RTN4R: variants seen among roughly 807,000 people sequenced by gnomAD.
RTN4R encodes the protein reticulon 4 receptor.
A neutral mutation model predicts 27.7 loss-of-function variants in RTN4R; 4 were observed. That is an observed-to-expected ratio of 0.14 (90% confidence interval 0.07 to 0.33). RTN4R has a LOEUF of 0.33. Among genes scored for constraint, RTN4R ranks in the 10% least tolerant of loss-of-function variants. The pLI is 1.00. For synonymous variants in RTN4R, 290 were observed against 305.6 expected (o/e 0.95, Z 0.53); for missense variants, 554 against 671.5 (o/e 0.83, Z 1.93).
intron 1 of RTN4R, among the ~76,000 whole-genome samples, chr22:20,264,015 G>A (rs2051262576): frequency 9.8e-5 from 1 of 10,188 alleles, no homozygotes; most frequent in Non-Finnish European, 2.9e-4. Flanking sequence ...GCCCACGGTT[G>A]TCAAAGCCTC....
At chr22:20,267,731 G>C in intron 1 of RTN4R, 1 of 419,460 alleles carries the variant, frequency 2.4e-6, no homozygotes, top group Middle Eastern at 3.5e-4. Flanking sequence ...CTTGGTGGCC[G>C]GGGCGCTCCG....
intron 1 of RTN4R, among the ~76,000 whole-genome samples, chr22:20,248,203 A>G (rs900388151): frequency 6.6e-6 from 1 of 152,252 alleles, no homozygotes; most frequent in Non-Finnish European, 1.5e-5. Flanking sequence ...AAACATGCCT[A>G]AAAGTACACA....
At chr22:20,245,493 G>C (rs968800868) in intron 1 of RTN4R, among the ~76,000 whole-genome samples, 1 of 152,090 alleles carries the variant, frequency 6.6e-6, no homozygotes, top group Non-Finnish European at 1.5e-5. Context: ...GCAGCCAGGT[G>C]GGGGGAGGGT....
chr22:20,249,229 G>A lies in RTN4R; in HGVS notation c.23-6119C>T, dbSNP rs777447795. On this transcript the variant is annotated intron_variant, in intron 1 of 1. Transcript: ENST00000043402. ...AGAGGACACTAATGAGCAAGTGACCGGTGGCCGGCCTGCTCCCACCCTGGG... is the reference window on the plus strand; with the variant it reads ...AGAGGACACTAATGAGCAAGTGACCAGTGGCCGGCCTGCTCCCACCCTGGG... The A allele has an allele frequency of 4.9e-5, 26 of 532,806 alleles. No homozygotes were observed. The East Asian group carries it at 6.5e-4, about 13-fold the overall frequency. 33.0% of individuals were successfully genotyped at this position (532,806 alleles called of 1,614,324 possible).
At chr22:20,248,904 A>G (rs2051158582) in intron 1 of RTN4R, among the ~76,000 whole-genome samples, 1 of 152,074 alleles carries the variant, frequency 6.6e-6, no homozygotes, top group African/African-American at 2.4e-5. Context: ...AGGGCTCCAG[A>G]ACCTTGCCCC....
chr22:20,259,471 G>A (rs557581244), intron 1 of RTN4R, among the ~76,000 whole-genome samples: 2 of 152,274 alleles, frequency 1.3e-5, no homozygotes, highest in East Asian at 3.9e-4. Context: ...GTCAGGCCGA[G>A]GGAGCACCAG....
At chr22:20,252,877 T>A (rs1283874261) in intron 1 of RTN4R, among the ~76,000 whole-genome samples, 1 of 151,992 alleles carries the variant, frequency 6.6e-6, no homozygotes, top group Non-Finnish European at 1.5e-5. Context: ...ACACCAGTGA[T>A]GTGAGGACAA....
At chr22:20,251,537 C>T (rs904603899) in intron 1 of RTN4R, among the ~76,000 whole-genome samples, 13 of 143,084 alleles carry the variant, frequency 9.1e-5, no homozygotes, top group Admixed American at 3.5e-4. Flanking sequence ...ATCACCACCA[C>T]TATCACCACC....
chr22:20,261,407 C>T (rs938683320), intron 1 of RTN4R, among the ~76,000 whole-genome samples: 1 of 152,194 alleles, frequency 6.6e-6, no homozygotes, highest in Admixed American at 6.5e-5. Flanking sequence ...GTCCCTGGAG[C>T]CAGGTGCACC....
At chr22:20,246,123 G>T (rs1222432341) in intron 1 of RTN4R, among the ~76,000 whole-genome samples, 3 of 152,202 alleles carry the variant, frequency 2.0e-5, no homozygotes, top group Non-Finnish European at 4.4e-5. Flanking sequence ...TCAGGGCTGG[G>T]TCATAGCTAG....
chr22:20,266,136 C>G (rs1448064698), intron 1 of RTN4R, among the ~76,000 whole-genome samples: 3 of 152,348 alleles, frequency 2.0e-5, no homozygotes, highest in African/African-American at 7.2e-5. Flanking sequence ...GAACAGTACC[C>G]CCTTTATAGA....
chr22:20,260,557 C>T (rs1056905004), intron 1 of RTN4R, among the ~76,000 whole-genome samples: 9 of 152,308 alleles, frequency 5.9e-5, no homozygotes, highest in African/African-American at 1.4e-4. Flanking sequence ...CCTCGACAGC[C>T]GTGCTGGTAG....
chr22:20,260,092 C>T (rs549638030), intron 1 of RTN4R, among the ~76,000 whole-genome samples: 44 of 152,160 alleles, frequency 2.9e-4, no homozygotes, highest in Non-Finnish European at 5.1e-4. Flanking sequence ...GCAGGCCACA[C>T]TCAAGTCCAC....
chr22:20,259,294 T>C (rs993070069), intron 1 of RTN4R, among the ~76,000 whole-genome samples: 1 of 152,232 alleles, frequency 6.6e-6, no homozygotes. Flanking sequence ...GGGAGGTATG[T>C]AGATGGAATA....
chr22:20,242,151 C>T lies in RTN4R; in HGVS notation c.982G>A (p.Glu328Lys), dbSNP rs781638362. The T allele has an allele frequency of 6.2e-7, 1 of 1,612,176 alleles. No homozygotes were observed. Among genetic ancestry groups the T allele is most frequent in the Non-Finnish European group, 8.5e-7 (1 of 1,179,696 alleles). Residue 328 changes from glutamate (E) to lysine (K), a missense_variant, in exon 2 of 2, where the codon GAG becomes AAG. Coordinates refer to ENST00000043402, the MANE Select transcript of RTN4R (RefSeq NM_023004.6). ...CAGCACTTGGGAAGCCCCAGCGGCT[C>T]CTCATCGGTGGCCCTGCCGGTCCAG... is the stretch of plus-strand genomic sequence containing the variant. ...PIWTGRATDE[E>K]PLGLPKCCQP...
intron 1 of RTN4R, among the ~76,000 whole-genome samples, chr22:20,259,065 A>C (rs1000986653): frequency 2.6e-5 from 4 of 152,066 alleles, no homozygotes; most frequent in African/African-American, 9.7e-5. Flanking sequence ...TTGTCCCTGG[A>C]GTCCCTGGCT....
At position 20,262,617 on chromosome 22, in the gene RTN4R, G is replaced by GC. The variant is rs151044183; in HGVS notation, c.22+5453dup. Among the ~76,000 whole-genome samples the GC allele has an allele frequency of 8.1e-3, 1,230 of 152,292 alleles. 8 individuals are homozygous for GC. The highest frequency in any genetic ancestry group is 0.028 in the African/African-American group (1,160 of 41,554). On this transcript the variant is annotated intron_variant, in intron 1 of 1. Transcript: ENST00000043402. ...CTCCACAACCCCAGACCTGCACTCA[G>GC]CCCCCACCCACTTCCTCCAGAGCCC...
chr22:20,268,007 G>A, intron 1 of RTN4R, 64 bp downstream of exon 1: 1 of 1,015,874 alleles, frequency 9.8e-7, no homozygotes, highest in Non-Finnish European at 1.2e-6. Context: ...CTCCGGGGAG[G>A]GGGCGAGCCG....
intron 1 of RTN4R, among the ~76,000 whole-genome samples, chr22:20,259,457 A>G (rs1278986043): frequency 6.6e-6 from 1 of 152,116 alleles, no homozygotes; most frequent in African/African-American, 2.4e-5. Context: ...CGCAGGGCCC[A>G]TGTGTCAGGC....
Sources: allele counts gnomAD v4.1 joint callset (sites outside exome capture counted in the v4.1 genomes callset), GRCh38; gene constraint gnomAD v4.1.1; transcripts MANE v1.5; gene names NCBI Gene and HGNC (gene_info 2026-07-23, HGNC 2026-07-21).